ZNF385D: variants seen among roughly 807,000 people sequenced by gnomAD.
ZNF385D encodes zinc finger protein 385D.
A neutral mutation model predicts 35.8 loss-of-function variants in ZNF385D; 15 were observed. The ratio of observed to expected loss-of-function variants is 0.42; its 90% CI spans 0.28 to 0.64. ZNF385D has a LOEUF of 0.64. Ranked by LOEUF, ZNF385D falls within the 30% of genes least tolerant of loss-of-function variation. The pLI, the probability that ZNF385D is intolerant of heterozygous loss-of-function variation, is 0.23. For synonymous variants in ZNF385D, 212 were observed against 186.8 expected (o/e 1.13, Z -1.10); for missense variants, 474 against 494.6 (o/e 0.96, Z 0.39).
intron 3 of ZNF385D, among the ~76,000 whole-genome samples, chr3:22,068,206 T>C (rs1700055215): frequency 6.6e-6 from 1 of 152,240 alleles, no homozygotes; most frequent in African/African-American, 2.4e-5. Flanking sequence ...TTCTCTTAGA[T>C]GCTCTTTCAG....
intron 3 of ZNF385D, among the ~76,000 whole-genome samples, chr3:22,017,284 T>C (rs1156941028): frequency 7.2e-5 from 11 of 152,084 alleles, no homozygotes; most frequent in Admixed American, 6.6e-4. Context: ...GAATTTTTCA[T>C]ATAAAATAAC....
intron 2 of ZNF385D, among the ~76,000 whole-genome samples, chr3:22,196,695 A>C (rs1696442154): frequency 6.6e-6 from 1 of 152,026 alleles, no homozygotes. Context: ...CTCATGTTTC[A>C]CTTGTTTTAC....
chr3:22,062,195 G>C (rs190629416), intron 3 of ZNF385D, among the ~76,000 whole-genome samples: 27 of 152,162 alleles, frequency 1.8e-4, no homozygotes, highest in Admixed American at 1.2e-3. Context: ...CTACAGGCAA[G>C]TGCCACCATG....
intron 3 of ZNF385D, among the ~76,000 whole-genome samples, chr3:21,908,360 C>T (rs1699802586): frequency 6.6e-6 from 1 of 152,004 alleles, no homozygotes; most frequent in Admixed American, 6.6e-5. Context: ...CAGATAGATA[C>T]CTTTCCTATT....
At chr3:22,255,526 T>A (rs1380592641) in intron 2 of ZNF385D, among the ~76,000 whole-genome samples, 1 of 151,882 alleles carries the variant, frequency 6.6e-6, no homozygotes, top group African/African-American at 2.4e-5. Context: ...TCAAAATCAT[T>A]AACTGTAGGA....
intron 2 of ZNF385D, among the ~76,000 whole-genome samples, chr3:21,657,396 TAATAAGTAC>T (rs2066103108): frequency 6.6e-6 from 1 of 152,020 alleles, no homozygotes; most frequent in South Asian, 2.1e-4. Flanking sequence ...GAGGTCACTA[TAATAAGTAC>T]ATTTGACTTT....
chr3:22,269,994 T>C (rs1336400642), intron 2 of ZNF385D, among the ~76,000 whole-genome samples: 1 of 151,912 alleles, frequency 6.6e-6, no homozygotes, highest in African/African-American at 2.4e-5. Flanking sequence ...TTAATGTACG[T>C]GTGATCATCC....
intron 3 of ZNF385D, among the ~76,000 whole-genome samples, chr3:21,829,402 G>T (rs1177036970): frequency 6.6e-6 from 1 of 152,080 alleles, no homozygotes; most frequent in Admixed American, 6.5e-5. Context: ...TAACAAGCTT[G>T]GCTATTTTAG....
In ZNF385D at chr3:21,646,386, C is replaced by T. The variant is rs553484488; in HGVS notation, c.165+18500G>A. On this transcript the variant is annotated intron_variant, in intron 2 of 7. Transcript: ENST00000281523. The surrounding 1 kb of genome is among the most constrained non-coding windows in gnomAD (Gnocchi z 4.3). ...CGATTAATCTGACTTCACAGTGAGACGCTGAGAAAGGTGAAGTAAGTGGAC... is the reference window on the plus strand; with the variant it reads ...CGATTAATCTGACTTCACAGTGAGATGCTGAGAAAGGTGAAGTAAGTGGAC... 6.8e-4 allele frequency among the ~76,000 whole-genome samples: 103 copies of T among 152,268 alleles called. No individual in the cohort carries two copies. Among genetic ancestry groups the T allele is most frequent in the African/African-American group, 2.2e-3 (91 of 41,548 alleles).
chr3:22,063,877 G>C (rs956795603), intron 3 of ZNF385D, among the ~76,000 whole-genome samples: 2 of 152,166 alleles, frequency 1.3e-5, no homozygotes, highest in African/African-American at 4.8e-5. Flanking sequence ...CGGGCTGGCT[G>C]AGGCCTTTGT....
intron 3 of ZNF385D, among the ~76,000 whole-genome samples, chr3:21,946,786 T>C (rs1427551824): frequency 2.0e-5 from 3 of 152,210 alleles, no homozygotes; most frequent in Non-Finnish European, 4.4e-5. Flanking sequence ...GAGCCGAAAT[T>C]GCGCTACTGC....
chr3:21,956,908 G>C (rs752210113), intron 3 of ZNF385D, among the ~76,000 whole-genome samples: 2 of 151,772 alleles, frequency 1.3e-5, no homozygotes, highest in Non-Finnish European at 2.9e-5. Context: ...ATCATCTGTG[G>C]TGATATAGTT....
At chr3:21,773,112 A>T (rs922212840) in intron 3 of ZNF385D, among the ~76,000 whole-genome samples, 12 of 152,006 alleles carry the variant, frequency 7.9e-5, no homozygotes, top group African/African-American at 2.9e-4. Flanking sequence ...AGATGAAAAG[A>T]GTTAAGGTGA....
intron 3 of ZNF385D, among the ~76,000 whole-genome samples, chr3:21,938,402 C>T (rs550482217): frequency 8.4e-4 from 128 of 152,182 alleles, no homozygotes; most frequent in African/African-American, 2.9e-3. Flanking sequence ...AGTGCTGAGG[C>T]GGGCAGAGAT....
rs1414323082 is a variant in ZNF385D, at chr3:22,309,197, A to G, written c.106+63253T>C. Among the ~76,000 whole-genome samples the G allele has an allele frequency of 2.6e-5, 4 of 152,228 alleles. No individual in the cohort carries two copies. The East Asian group carries it at 7.7e-4, about 29-fold the overall frequency. On this transcript the variant is annotated intron_variant, in intron 2 of 5. Coordinates refer to the ZNF385D transcript ENST00000494108. ...TTGAAAAAGTAAACTAAAATGTGAA[A>G]AGGAGGAAGATATTTGACCCCTTCT...
chr3:22,334,497 C>G (rs1183325443), intron 2 of ZNF385D, among the ~76,000 whole-genome samples: 1 of 152,118 alleles, frequency 6.6e-6, no homozygotes, highest in Non-Finnish European at 1.5e-5. Flanking sequence ...GCTCATACAT[C>G]TCTGAGCTTC....
intron 2 of ZNF385D, among the ~76,000 whole-genome samples, chr3:21,600,856 A>G (rs9877990): frequency 0.035 from 5,161 of 149,168 alleles, 201 homozygotes; most frequent in African/African-American, 0.096. Flanking sequence ...TTAAAGATAA[A>G]CTTGAGATTC....
intron 2 of ZNF385D, among the ~76,000 whole-genome samples, chr3:22,249,103 T>C (rs1336863705): frequency 6.6e-6 from 1 of 152,082 alleles, no homozygotes; most frequent in Non-Finnish European, 1.5e-5. Context: ...CATTCAAGTC[T>C]CCACAGCTGA....
chr3:21,699,695 A>C (rs1204750701), intron 1 of ZNF385D, among the ~76,000 whole-genome samples: 1 of 151,846 alleles, frequency 6.6e-6, no homozygotes, highest in African/African-American at 2.4e-5. Flanking sequence ...AATACTTTTG[A>C]TATATTATTA....
Sources: gnomAD v4.1 joint callset for allele counts (sites outside exome capture counted in the v4.1 genomes callset) on GRCh38, gnomAD v4.1.1 for gene constraint, Gnocchi (gnomAD v3.1) non-coding constraint, MANE v1.5 for transcripts, NCBI Gene and HGNC (gene_info 2026-07-23, HGNC 2026-07-21) for gene names.